The following KCNN2 variants were observed in gnomAD, a reference collection of about 807,000 sequenced individuals.
KCNN2 encodes the protein small conductance calcium-activated potassium channel protein 2.
Under a neutral mutation model 55.5 loss-of-function variants are expected in KCNN2, and 24 were observed. That is an observed-to-expected ratio of 0.43 (90% CI 0.31 to 0.61). The LOEUF is 0.61. KCNN2 is among the 20% of genes least tolerant of loss of function. KCNN2 has a pLI of 0.08. For synonymous variants in KCNN2, 431 were observed against 336.1 expected, an observed-to-expected ratio of 1.28 and a Z score of -3.09; for missense variants, 754 against 853.6, an observed-to-expected ratio of 0.88 and a Z score of 1.45.
intron 1 of KCNN2, among the ~76,000 whole-genome samples, chr5:114,169,852 A>G (rs1472885660): frequency 4.6e-5 from 7 of 152,090 alleles, no homozygotes; most frequent in Non-Finnish European, 1.0e-4. Flanking sequence ...CAGAGAGGAG[A>G]TAAGGACTGA....
chr5:114,120,193 GT>G (rs1389804791), intron 1 of KCNN2, among the ~76,000 whole-genome samples: 1 of 152,082 alleles, frequency 6.6e-6, no homozygotes, highest in Non-Finnish European at 1.5e-5. Flanking sequence ...CATTTTTCAT[GT>G]GAAAAATGTG....
At position 114,160,443 on chromosome 5, in the gene KCNN2, A is replaced by G. The variant is rs148617211; in HGVS notation, c.-270-61037A>G. Among the ~76,000 whole-genome samples the G allele has an allele frequency of 7.2e-4, 109 of 152,292 alleles. 2 individuals are homozygous for G. In the East Asian group the frequency reaches 0.017, roughly 24 times the overall value. On this transcript the variant is annotated intron_variant, in intron 1 of 10. Coordinates refer to the KCNN2 transcript ENST00000512097. ...TTCCAATTATGTGGTCAATTTTGGA[A>G]TAGGTGTGGTCTGGTGCTGAAAAGA...
chr5:114,431,993 C>G (rs1420702935), intron 3 of KCNN2, among the ~76,000 whole-genome samples: 1 of 151,926 alleles, frequency 6.6e-6, no homozygotes, highest in Admixed American at 6.5e-5. Flanking sequence ...CTTTCAGGGC[C>G]CAGAATATGT....
At chr5:114,077,045 C>T (rs1185931874) in intron 1 of KCNN2, among the ~76,000 whole-genome samples, 1 of 151,578 alleles carries the variant, frequency 6.6e-6, no homozygotes, top group East Asian at 1.9e-4. Flanking sequence ...GTTGAATTAC[C>T]CTTAGAAAAT....
chr5:114,283,470 A>T (rs1698883485), intron 2 of KCNN2, among the ~76,000 whole-genome samples: 24 of 152,174 alleles, frequency 1.6e-4, no homozygotes, highest in Admixed American at 1.6e-3. Context: ...TGGTTGTAAT[A>T]ACTATAACTG....
At chr5:114,371,843 C>G (rs1757766951) in intron 2 of KCNN2, among the ~76,000 whole-genome samples, 2 of 152,140 alleles carry the variant, frequency 1.3e-5, no homozygotes, top group Admixed American at 1.3e-4. Flanking sequence ...CCAGCACTTT[C>G]AGATAGGATC....
At position 114,363,794 on chromosome 5, in the gene KCNN2, C is replaced by A. The variant is rs1757522403; in HGVS notation, c.1123-112C>A. 8.1e-6 allele frequency: 6 copies of A among 738,190 alleles called. No individual in the cohort carries two copies. In the East Asian group the frequency reaches 1.2e-4, roughly 15 times the overall value. The allele number at this position is 738,190 out of a possible 1,614,324, so 45.7% of individuals were successfully genotyped here. A position where few individuals can be genotyped will look rare whatever the true frequency, so the allele number is the denominator to read the frequency against. Reference sequence around the variant, plus strand: ...GACAGGTGCACCCCTCTCCCCTTATCTTCCTTCTGTGAGTTCAGGTCCACC... The same window carrying A: ...GACAGGTGCACCCCTCTCCCCTTATATTCCTTCTGTGAGTTCAGGTCCACC... On this transcript the variant is annotated intron_variant, in intron 1 of 7. Coordinates refer to ENST00000673685, the MANE Select transcript of KCNN2 (RefSeq NM_021614.4).
At chr5:114,455,464 C>G (rs1221415262) in intron 3 of KCNN2, among the ~76,000 whole-genome samples, 1 of 152,212 alleles carries the variant, frequency 6.6e-6, no homozygotes, top group African/African-American at 2.4e-5. Flanking sequence ...CCCCATCTCT[C>G]TCACTTTTAT....
rs1175034866 is a variant in KCNN2, at chr5:114,363,785, T to G, written c.1123-121T>G. On this transcript the variant is annotated intron_variant, in intron 1 of 7. Transcript: ENST00000673685. ...CAGAGCCAAGACAGGTGCACCCCTC[T>G]CCCCTTATCTTCCTTCTGTGAGTTC... 7.3e-6 allele frequency: 5 copies of G among 688,100 alleles called. No individual in the cohort carries two copies. In the African/African-American group the frequency reaches 8.9e-5, roughly 12 times the overall value. 42.6% of individuals were successfully genotyped at this position (688,100 alleles called of 1,614,324 possible). A position where few individuals can be genotyped will look rare whatever the true frequency, so the allele number is the denominator to read the frequency against.
At chr5:114,167,375 A>C (rs748675070) in intron 1 of KCNN2, among the ~76,000 whole-genome samples, 2 of 152,112 alleles carry the variant, frequency 1.3e-5, no homozygotes, top group African/African-American at 2.4e-5. Flanking sequence ...TTGTTTTTTA[A>C]ACTTCTCTCT....
At chr5:114,111,916 G>A (rs1220207067) in intron 1 of KCNN2, among the ~76,000 whole-genome samples, 1 of 152,186 alleles carries the variant, frequency 6.6e-6, no homozygotes, top group East Asian at 1.9e-4. Context: ...GGAAGACAGT[G>A]TGGTGATTCC....
chr5:114,255,323 A>G (rs952941157), intron 2 of KCNN2, among the ~76,000 whole-genome samples: 1 of 152,224 alleles, frequency 6.6e-6, no homozygotes, highest in Admixed American at 6.5e-5. Context: ...TGAAGGAGAT[A>G]GGGTTTGGGG....
chr5:114,159,873 G>A (rs890788417), intron 1 of KCNN2, among the ~76,000 whole-genome samples: 14 of 152,060 alleles, frequency 9.2e-5, no homozygotes, highest in Admixed American at 5.2e-4. Context: ...TTTTTATTGC[G>A]TCTATTTGAT....
At chr5:114,157,136 C>G (rs1273852669) in intron 1 of KCNN2, among the ~76,000 whole-genome samples, 3 of 149,192 alleles carry the variant, frequency 2.0e-5, no homozygotes, top group Non-Finnish European at 4.5e-5. Context: ...GGTATATCTC[C>G]TAATGCTATC....
chr5:114,288,402 A>G (rs1417251141), intron 2 of KCNN2, among the ~76,000 whole-genome samples: 1 of 151,942 alleles, frequency 6.6e-6, no homozygotes, highest in Non-Finnish European at 1.5e-5. Flanking sequence ...TTTGGGATTC[A>G]CCAAACTGTT....
chr5:114,085,933 T>A (rs1374372198), intron 1 of KCNN2, among the ~76,000 whole-genome samples: 3 of 152,112 alleles, frequency 2.0e-5, no homozygotes, highest in Non-Finnish European at 4.4e-5. Flanking sequence ...ACACTGAGGA[T>A]TCTTATGAAT....
At chr5:114,149,770 A>G (rs560978771) in intron 1 of KCNN2, among the ~76,000 whole-genome samples, 5 of 152,336 alleles carry the variant, frequency 3.3e-5, no homozygotes, top group Admixed American at 2.0e-4. Context: ...CAGTAGTAAT[A>G]GTTGCAGCAA....
intron 2 of KCNN2, among the ~76,000 whole-genome samples, chr5:114,296,258 T>C (rs1479657868): frequency 6.6e-6 from 1 of 152,232 alleles, no homozygotes; most frequent in South Asian, 2.1e-4. Flanking sequence ...ATCTCCACCC[T>C]GGAAAAGAGA....
intron 2 of KCNN2, among the ~76,000 whole-genome samples, chr5:114,353,357 C>T (rs1036735952): frequency 4.0e-5 from 6 of 151,798 alleles, no homozygotes; most frequent in South Asian, 2.1e-4. Flanking sequence ...TTCTGTACTT[C>T]GATATGTCTT....
Sources: allele counts gnomAD v4.1 joint callset (sites outside exome capture counted in the v4.1 genomes callset), GRCh38; gene constraint gnomAD v4.1.1; transcripts MANE v1.5; gene names NCBI Gene and HGNC (gene_info 2026-07-23, HGNC 2026-07-21).